The following AKAP11 variants were observed in gnomAD, a reference collection of about 807,000 sequenced individuals.
The protein encoded by AKAP11 is A-kinase anchor protein 11.
AKAP11 carries 36 observed loss-of-function variants against 146.1 expected under a neutral mutation model. The ratio of observed to expected loss-of-function variants is 0.25; its 90% CI spans 0.19 to 0.33. AKAP11 has a LOEUF of 0.33. Among genes scored for constraint, AKAP11 ranks in the 10% least tolerant of loss-of-function variants. AKAP11 has a pLI of 1.00. For missense variants in AKAP11, 2,201 were observed against 2,197.0 expected (o/e 1.00, Z -0.04); for synonymous variants, 780 against 786.5 (o/e 0.99, Z 0.14).
chr13:42,307,744 G>A (rs1287147584), intron 8 of AKAP11, among the ~76,000 whole-genome samples: 1 of 152,174 alleles, frequency 6.6e-6, no homozygotes, highest in African/African-American at 2.4e-5. Context: ...GAGGGGACAG[G>A]CAGTATGTTT....
chr13:42,299,898 G>A lies in AKAP11; in HGVS notation c.1152G>A (p.Ser384=), dbSNP rs145830258. Residue 384 remains serine (S), a synonymous_variant, in exon 8 of 13, where the codon TCG becomes TCA. Transcript: ENST00000025301. ...AAGATCCCGTCATAGGGAAGTCATC[G>A]CAGAGGAAAGGGCACAAACATGGAA... ...FNKDPVIGKS[S]QRKGHKHGKS... is the part of the protein sequence containing the mutation. 426 of 1,613,900 alleles carry A rather than the reference G, an allele frequency of 2.6e-4. No individual in the cohort carries two copies. In the African/African-American group the frequency reaches 4.7e-3, roughly 18 times the overall value.
rs200513734 is a variant in AKAP11, at chr13:42,308,625, C to T, written c.5273+16C>T. 119 of 1,600,938 alleles carry T rather than the reference C, an allele frequency of 7.4e-5. No individual in the cohort carries two copies. The African/African-American group carries it at 1.5e-3, about 20-fold the overall frequency. Reference sequence around the variant, plus strand: ...TAAGTGAAAGGTAACTACACTTTTGCATATAATTGTGTAGTTTAGGTCCTC... The same window carrying T: ...TAAGTGAAAGGTAACTACACTTTTGTATATAATTGTGTAGTTTAGGTCCTC... On this transcript the variant is annotated intron_variant, in intron 9 of 12. Coordinates refer to ENST00000025301, the MANE Select transcript of AKAP11 (RefSeq NM_016248.4).
rs1555290676 is a variant in AKAP11 at position 42,299,580 on chromosome 13, A to G, written c.834A>G (p.Gln278=). 13 of 1,613,976 alleles carry G rather than the reference A, an allele frequency of 8.1e-6. No individual in the cohort carries two copies. The highest frequency in any genetic ancestry group is 1.0e-5 in the Non-Finnish European group (12 of 1,179,890). ...VTTSISEPWT[Q]RSFYRSSNAS... is the part of the protein sequence containing the mutation. ...CATCAATTTCAGAGCCTTGGACCCA[A>G]AGGAGTTTCTATAGGTCATCTAATG... Residue 278 remains glutamine (Q), a synonymous_variant, in exon 8 of 13, where the codon CAA becomes CAG. Transcript: ENST00000025301.
At chr13:42,277,269 G>A (rs1594293397) in intron 1 of AKAP11, among the ~76,000 whole-genome samples, 1 of 152,188 alleles carries the variant, frequency 6.6e-6, no homozygotes, top group East Asian at 1.9e-4. Flanking sequence ...TCTTAAAACT[G>A]TATTCAAATG....
chr13:42,287,136 A>G (rs182998257), intron 3 of AKAP11, among the ~76,000 whole-genome samples: 2 of 152,232 alleles, frequency 1.3e-5, no homozygotes, highest in African/African-American at 4.8e-5. Flanking sequence ...TCTAATTATC[A>G]GTGTTCCTAT....
rs1343193754 is a variant in AKAP11 at position 42,322,897 on chromosome 13, G to A, written c.*3669G>A. ...TTTAATATCCGGTTTTAATATTGCT[G>A]GATTTGCTACCTTTGGTTACTTGTG... On this transcript the variant is annotated 3_prime_UTR_variant, in exon 13 of 13. Coordinates refer to ENST00000025301, the MANE Select transcript of AKAP11 (RefSeq NM_016248.4). 3 of 152,524 alleles carry A rather than the reference G, an allele frequency of 2.0e-5. No homozygotes were observed. The highest frequency in any genetic ancestry group is 1.3e-4 in the Admixed American group (2 of 15,282). 9.4% of individuals were successfully genotyped at this position (152,524 alleles called of 1,614,324 possible).
At chr13:42,279,493 G>A (rs1278723656) in intron 1 of AKAP11, among the ~76,000 whole-genome samples, 1 of 152,126 alleles carries the variant, frequency 6.6e-6, no homozygotes. Flanking sequence ...ATTGTATCCA[G>A]TATGGTTTTC....
chr13:42,316,971 G>A (rs1362952084), intron 11 of AKAP11, among the ~76,000 whole-genome samples: 1 of 152,096 alleles, frequency 6.6e-6, no homozygotes, highest in South Asian at 2.1e-4. Flanking sequence ...TCTGCCTCCT[G>A]GGTTCCAGCG....
intron 12 of AKAP11, 112 bp from the exon 13 acceptor site, chr13:42,318,976 A>T: frequency 7.8e-7 from 1 of 1,274,152 alleles, no homozygotes; most frequent in Non-Finnish European, 1.1e-6. Flanking sequence ...AGGAAACGGT[A>T]TTTAATTGTA....
In AKAP11 at chr13:42,300,272, C is replaced by T. The variant is rs768865494; in HGVS notation, c.1526C>T (p.Thr509Ile). ...GGCTCAGTTCTTCGTACCCACCATA[C>T]TAATACCCTATCAAATATTAACAGT... Reference protein sequence around the residue: ...VLGSVLRTHHTNTLSNINSIK... With the variant: ...VLGSVLRTHHINTLSNINSIK... Residue 509 changes from threonine (T) to isoleucine (I), a missense_variant, in exon 8 of 13, where the codon ACT becomes ATT. Thr to Ile is a moderately conservative substitution (Grantham distance 89, BLOSUM62 -1). This residue lies in a region of AKAP11 where 1,867 missense variants were observed against 1,833.5 expected (regional missense o/e 1.02). Transcript: ENST00000025301. The T allele has an allele frequency of 5.0e-6, 8 of 1,613,580 alleles. No individual in the cohort carries two copies. The Middle Eastern group carries it at 4.9e-4, about 100-fold the overall frequency.
chr13:42,305,040 C>T (rs1477148187), intron 8 of AKAP11, among the ~76,000 whole-genome samples: 2 of 152,030 alleles, frequency 1.3e-5, no homozygotes, highest in Non-Finnish European at 2.9e-5. Flanking sequence ...CGTGAGCCAC[C>T]GCAACCAGCC....
chr13:42,279,158 A>C (rs1412873476), intron 1 of AKAP11, among the ~76,000 whole-genome samples: 1 of 151,826 alleles, frequency 6.6e-6, no homozygotes, highest in East Asian at 1.9e-4. Flanking sequence ...CTTCCTTGGT[A>C]CTGTCAGTTT....
chr13:42,309,023 C>G (rs571790591), intron 9 of AKAP11, among the ~76,000 whole-genome samples: 2 of 152,082 alleles, frequency 1.3e-5, no homozygotes, highest in African/African-American at 4.8e-5. Flanking sequence ...AAAATAGTAT[C>G]TTTTTGGTGG....
chr13:42,300,227 G>A lies in AKAP11; in HGVS notation c.1481G>A (p.Ser494Asn). Residue 494 changes from serine (S) to asparagine (N), a missense_variant, in exon 8 of 13, where the codon AGC (serine) becomes AAC (asparagine). Ser to Asn is a conservative substitution (Grantham distance 46). Coordinates refer to ENST00000025301, the MANE Select transcript of AKAP11 (RefSeq NM_016248.4). ...TACACCTATGAAGACTATGCAAAAAGCATTTCATGTGAAGTACTAGGCTCA... is the reference window on the plus strand; with the variant it reads ...TACACCTATGAAGACTATGCAAAAAACATTTCATGTGAAGTACTAGGCTCA... Reference protein sequence around the residue: ...VYYTYEDYAKSISCEVLGSVL... With the variant: ...VYYTYEDYAKNISCEVLGSVL... The A allele has an allele frequency of 6.2e-6, 10 of 1,613,908 alleles. No homozygotes were observed. Among genetic ancestry groups the A allele is most frequent in the Non-Finnish European group, 6.8e-6 (8 of 1,179,864 alleles).
Position 42,300,146 on chromosome 13 carries a change from T to G in AKAP11, c.1400T>G (p.Phe467Cys). 1 of 1,613,956 alleles carries G rather than the reference T, an allele frequency of 6.2e-7. No individual in the cohort carries two copies. Among genetic ancestry groups the G allele is most frequent in the Non-Finnish European group, 8.5e-7 (1 of 1,179,852 alleles). Residue 467 changes from phenylalanine to cysteine, a missense_variant, in exon 8 of 13, where the codon TTT (phenylalanine) becomes TGT (cysteine). Phe to Cys is a radical substitution (Grantham distance 205). Around this residue, in one of 3 missense-constraint regions of AKAP11, gnomAD observed 1,867 missense variants for 1,833.5 expected, o/e 1.02. Coordinates refer to ENST00000025301, the MANE Select transcript of AKAP11 (RefSeq NM_016248.4). ...PLGGCTPAEC[F>C]CQTDIGGDRI... is the part of the protein sequence containing the mutation. ...GGAGGCTGTACTCCAGCTGAATGTTTTTGCCAAACAGATATTGGTGGAGAT... is the reference window on the plus strand; with the variant it reads ...GGAGGCTGTACTCCAGCTGAATGTTGTTGCCAAACAGATATTGGTGGAGAT...
Position 42,319,850 on chromosome 13 carries a change from C to A in AKAP11, c.*622C>A, listed in dbSNP as rs9533063. ...CTATAAACACTATAAGTGATAGTTT[C>A]CCCCATCCTTTCATTGACATTATTT... On this transcript the variant is annotated 3_prime_UTR_variant, in exon 13 of 13. Coordinates refer to ENST00000025301, the MANE Select transcript of AKAP11 (RefSeq NM_016248.4). 1 of 152,046 alleles carries A rather than the reference C, an allele frequency of 6.6e-6. No homozygotes were observed. The highest frequency in any genetic ancestry group is 1.5e-5 in the Non-Finnish European group (1 of 68,054). 9.4% of individuals were successfully genotyped at this position (152,046 alleles called of 1,614,324 possible).
chr13:42,302,229 G>C lies in AKAP11; in HGVS notation c.3483G>C (p.Glu1161Asp). 1.2e-6 allele frequency: 2 copies of C among 1,614,182 alleles called. No individual in the cohort carries two copies. The highest frequency in any genetic ancestry group is 1.7e-6 in the Non-Finnish European group (2 of 1,180,020). Residue 1161 changes from glutamate (E) to aspartate (D), a missense_variant, in exon 8 of 13, where the codon GAG becomes GAC. By Grantham distance (45) the Glu-to-Asp change is conservative (BLOSUM62 2). This residue lies in a region of AKAP11 where 1,867 missense variants were observed against 1,833.5 expected (regional missense o/e 1.02). Transcript: ENST00000025301. ...ENEQNTIEKEEFMLKLMRSLS... is the reference protein window; with the variant it reads ...ENEQNTIEKEDFMLKLMRSLS... ...AACAAAATACTATAGAAAAAGAAGAGTTCATGTTGAAACTCATGCGATCTC... is the reference window on the plus strand; with the variant it reads ...AACAAAATACTATAGAAAAAGAAGACTTCATGTTGAAACTCATGCGATCTC...
chr13:42,319,245 G>A lies in AKAP11; in HGVS notation c.*17G>A, dbSNP rs1240203657. 13 of 1,603,854 alleles carry A rather than the reference G, an allele frequency of 8.1e-6. No individual in the cohort carries two copies. The highest frequency in any genetic ancestry group is 1.0e-5 in the Non-Finnish European group (12 of 1,176,354). On this transcript the variant is annotated 3_prime_UTR_variant, in exon 13 of 13. Transcript: ENST00000025301. ...AATGCATAGAGCAAACCCCAAACCA[G>A]TATATTTTAGTATTTGTTTGGGGAG...
intron 9 of AKAP11, among the ~76,000 whole-genome samples, chr13:42,309,581 A>G (rs953162789): frequency 3.9e-5 from 6 of 152,184 alleles, no homozygotes; most frequent in African/African-American, 1.4e-4. Flanking sequence ...TAACCTGGAA[A>G]TATTAATATT....
Sources: gnomAD v4.1 joint callset for allele counts (sites outside exome capture counted in the v4.1 genomes callset) on GRCh38, gnomAD v4.1.1 for gene constraint, gnomAD v4.1.1 regional missense constraint, MANE v1.5 for transcripts, NCBI Gene and HGNC (gene_info 2026-07-23, HGNC 2026-07-21) for gene names.